Variants in CLPX observed in about 807,000 individuals in gnomAD.
CLPX encodes caseinolytic mitochondrial matrix peptidase chaperone subunit X, also known as ATP-dependent clpX-like chaperone, mitochondrial.
CLPX carries 34 observed loss-of-function variants against 76.4 expected under a neutral mutation model. The ratio of observed to expected loss-of-function variants is 0.45; its 90% confidence interval spans 0.34 to 0.59. The LOEUF (loss-of-function observed/expected upper bound fraction) is 0.59, where lower values mean the gene tolerates loss of function less well. CLPX is among the 20% of genes least tolerant of loss of function. The pLI, the probability that CLPX is intolerant of heterozygous loss-of-function variation, is 0.01. For missense variants in CLPX, 613 were observed against 757.0 expected, an observed-to-expected ratio of 0.81 and a Z score of 2.23; for synonymous variants, 248 against 270.9, an observed-to-expected ratio of 0.92 and a Z score of 0.83.
Position 65,162,270 on chromosome 15 carries a change from C to A in CLPX, c.715+334G>T, listed in dbSNP as rs114114042. Among the ~76,000 whole-genome samples the A allele has an allele frequency of 8.5e-3, 1,290 of 152,106 alleles. 20 individuals are homozygous for A. The highest frequency in any genetic ancestry group is 0.034 in the South Asian group (162 of 4,824). ...GTAAGTTTCATAAATACAAAAAAAA[C>A]CAAAAAACAGTGTGCTTTCTGGCAA... On this transcript the variant is annotated intron_variant, in intron 6 of 13. Transcript: ENST00000300107.
chr15:65,165,814 T>G (rs570540438), intron 4 of CLPX, among the ~76,000 whole-genome samples: 1 of 152,232 alleles, frequency 6.6e-6, no homozygotes, highest in Non-Finnish European at 1.5e-5. Flanking sequence ...CATTTTATTA[T>G]AGTTTTAAAC....
At chr15:65,181,570 T>G (rs1004979430) in intron 1 of CLPX, among the ~76,000 whole-genome samples, 1 of 151,346 alleles carries the variant, frequency 6.6e-6, no homozygotes, top group Non-Finnish European at 1.5e-5. Context: ...CTGGCCAACA[T>G]GGTGAAACCC....
At chr15:65,157,722 G>A (rs571223872) in intron 8 of CLPX, 24 bp downstream of exon 8, 7 of 1,601,560 alleles carry the variant, frequency 4.4e-6, no homozygotes, top group African/African-American at 1.3e-5. Flanking sequence ...CTAAATCTGG[G>A]GACAGACCAT....
At chr15:65,154,562 T>C (rs2087763699) in intron 11 of CLPX, 3 of 484,724 alleles carry the variant, frequency 6.2e-6, no homozygotes, top group African/African-American at 1.9e-5. Context: ...TTTCTTGGGC[T>C]TTAGGCTATA....
rs370130335 is a variant in CLPX, at chr15:65,157,725, C to T, written c.1057+21G>A. 6.9e-6 allele frequency: 11 copies of T among 1,604,374 alleles called. No homozygotes were observed. The African/African-American group carries it at 1.5e-4, about 22-fold the overall frequency. Reference sequence around the variant, plus strand: ...TTCCCCAATATTCTAAATCTGGGGACAGACCATGCTGAAAACATACCTTGT... The same window carrying T: ...TTCCCCAATATTCTAAATCTGGGGATAGACCATGCTGAAAACATACCTTGT... On this transcript the variant is annotated intron_variant, in intron 8 of 13. Transcript: ENST00000300107.
chr15:65,156,967 A>G, intron 8 of CLPX, 35 bp from the exon 9 acceptor site: 1 of 1,400,418 alleles, frequency 7.1e-7, no homozygotes, highest in East Asian at 2.3e-5. Context: ...TATAATACGA[A>G]AAAGATATAC....
rs1254480177 is a variant in CLPX at position 65,185,197 on chromosome 15, G to C, written c.-44C>G. Reference sequence around the variant, plus strand: ...GGGGCTTCGCCCCCTGAGGACCTCCGGGTCACAGCGGCGTGAATCCTGCCC... The same window carrying C: ...GGGGCTTCGCCCCCTGAGGACCTCCCGGTCACAGCGGCGTGAATCCTGCCC... On this transcript the variant is annotated 5_prime_UTR_variant, in exon 1 of 14. Transcript: ENST00000300107. The C allele has an allele frequency of 2.0e-6, 3 of 1,487,306 alleles. No homozygotes were observed. The highest frequency in any genetic ancestry group is 4.9e-5 in the East Asian group (2 of 40,746). 92.1% of individuals were successfully genotyped at this position (1,487,306 alleles called of 1,614,324 possible). A position where few individuals can be genotyped will look rare whatever the true frequency, so the allele number is the denominator to read the frequency against.
Position 65,157,769 on chromosome 15 carries a change from T to C in CLPX, c.1034A>G (p.Tyr345Cys), listed in dbSNP as rs201645826. Residue 345 changes from tyrosine (Y) to cysteine (C), a missense_variant, in exon 8 of 14, where the codon TAT becomes TGT. Transcript: ENST00000300107. ...ACCTTGTTGTGCTTTTTCCACATTA[T>C]AATTGGCATCTTGGAGTAGTTTTGC... ...VIAKLLQDAN[Y>C]NVEKAQQGIV... The C allele has an allele frequency of 1.2e-6, 2 of 1,613,672 alleles. No homozygotes were observed. The highest frequency in any genetic ancestry group is 1.7e-6 in the Non-Finnish European group (2 of 1,179,870).
intron 3 of CLPX, among the ~76,000 whole-genome samples, chr15:65,169,253 C>T (rs564528077): frequency 2.4e-4 from 36 of 152,056 alleles, no homozygotes; most frequent in Admixed American, 3.3e-4. Context: ...TGCGCCCGGC[C>T]GATGCCTGCC....
intron 3 of CLPX, among the ~76,000 whole-genome samples, chr15:65,168,209 C>T (rs1364156947): frequency 6.6e-6 from 1 of 150,398 alleles, no homozygotes; most frequent in Non-Finnish European, 1.5e-5. Flanking sequence ...CACGGTAAAA[C>T]CCTGTCTCTA....
chr15:65,185,231 C>T lies in CLPX; in HGVS notation c.-78G>A, dbSNP rs929921133. ...CGGCGTGAATCCTGCCCGCAAGGCG[C>T]GCTGACTCGGTTCCGAACCCTTTCG... On this transcript the variant is annotated 5_prime_UTR_variant, in exon 1 of 14. Transcript: ENST00000300107. 49 of 1,267,106 alleles carry T rather than the reference C, an allele frequency of 3.9e-5. No individual in the cohort carries two copies. The highest frequency in any genetic ancestry group is 4.4e-5 in the Non-Finnish European group (40 of 899,792). 78.5% of individuals were successfully genotyped at this position (1,267,106 alleles called of 1,614,324 possible).
In CLPX at chr15:65,153,486, C is replaced by A. The variant is rs2087749998; in HGVS notation, c.1704+61G>T. On this transcript the variant is annotated intron_variant, in intron 12 of 13. Coordinates refer to ENST00000300107, the MANE Select transcript of CLPX (RefSeq NM_006660.5). Reference sequence around the variant, plus strand: ...ATTTTCCAAAAGAAAAACAGGGAAGCTTAATATACTCAAAACTCAGACCAA... The same window carrying A: ...ATTTTCCAAAAGAAAAACAGGGAAGATTAATATACTCAAAACTCAGACCAA... 6.8e-6 allele frequency: 7 copies of A among 1,027,412 alleles called. No homozygotes were observed. In the South Asian group the frequency reaches 9.7e-5, roughly 14 times the overall value. 63.6% of individuals were successfully genotyped at this position (1,027,412 alleles called of 1,614,324 possible). A position where few individuals can be genotyped will look rare whatever the true frequency, so the allele number is the denominator to read the frequency against.
Position 65,180,088 on chromosome 15 carries a change from A to G in CLPX, c.196T>C (p.Ser66Pro), listed in dbSNP as rs757951129. The G allele has an allele frequency of 1.2e-6, 2 of 1,611,248 alleles. No individual in the cohort carries two copies. The highest frequency in any genetic ancestry group is 2.2e-5 in the South Asian group (2 of 90,428). ...CCATCTTTACTTATCCCATCTTTTGAGGCAAAGTATGCTGGTGTTTCTGTA... is the reference window on the plus strand; with the variant it reads ...CCATCTTTACTTATCCCATCTTTTGGGGCAAAGTATGCTGGTGTTTCTGTA... The part of the protein sequence containing the change: ...SFTETPAYFA[S>P]KDGISKDGSG... The change falls in exon 2 of 14, where the codon TCA becomes CCA. Residue 66 changes from serine (S) to proline (P), a missense_variant. Ser to Pro is a moderately conservative substitution (Grantham distance 74, BLOSUM62 -1). This residue lies in a region of CLPX where 163 missense variants were observed against 118.4 expected (regional missense o/e 1.38). Coordinates refer to ENST00000300107, the MANE Select transcript of CLPX (RefSeq NM_006660.5).
rs150824839 is a variant in CLPX, at chr15:65,172,993, C to T, written c.358+5941G>A. On this transcript the variant is annotated intron_variant, in intron 3 of 13. Transcript: ENST00000300107. The stretch of plus-strand genomic sequence containing the variant: ...TTGCGCCACTGCATCGTAGCCTGGG[C>T]GACAGAGCAAGACCCTGTTTCTAAA... Among the ~76,000 whole-genome samples the T allele has an allele frequency of 5.1e-3, 775 of 152,178 alleles. 5 individuals carry two copies. The highest frequency in any genetic ancestry group is 0.018 in the African/African-American group (743 of 41,522).
At chr15:65,153,758 A>C in intron 11 of CLPX, 119 bp from the exon 12 acceptor site, 1 of 569,508 alleles carries the variant, frequency 1.8e-6, no homozygotes, top group Non-Finnish European at 3.0e-6. Flanking sequence ...TTCAAGAAGC[A>C]CTTGTTTCTA....
At chr15:65,183,936 T>C (rs570292409) in intron 1 of CLPX, among the ~76,000 whole-genome samples, 2 of 152,342 alleles carry the variant, frequency 1.3e-5, no homozygotes, top group East Asian at 1.9e-4. Context: ...ATCGAATTCC[T>C]GGAATCGGGA....
In CLPX at chr15:65,155,751, C is replaced by T; in HGVS notation, c.1252G>A (p.Val418Met). The change falls in exon 10 of 14, where the codon GTG (valine) becomes ATG (methionine). Residue 418 changes from valine (V) to methionine (M), a missense_variant. Val to Met is a conservative substitution (Grantham distance 21, BLOSUM62 1). Coordinates refer to ENST00000300107, the MANE Select transcript of CLPX (RefSeq NM_006660.5). ...VQVDTTNILF[V>M]ASGAFNGLDR... ...AAACCATTGAAAGCACCAGATGCCA[C>T]AAACAGGATGTTTGTTGTATCAACT... 1.9e-6 allele frequency: 3 copies of T among 1,614,138 alleles called. No homozygotes were observed. Among genetic ancestry groups the T allele is most frequent in the Middle Eastern group, 1.7e-4 (1 of 6,060 alleles).
chr15:65,181,152 T>C (rs1482059912), intron 1 of CLPX, among the ~76,000 whole-genome samples: 2 of 151,480 alleles, frequency 1.3e-5, no homozygotes, highest in African/African-American at 2.4e-5. Context: ...TGAGCCAAGA[T>C]CATGCCACTG....
Position 65,148,499 on chromosome 15 carries a change from CA to C in CLPX, c.*2323del, listed in dbSNP as rs1408392373. ...AAGACTTCCTGGGAAGAACTTGAACCATTACTAGGGAGACCAAGGAGAGGTG... is the reference window on the plus strand; with the variant it reads ...AAGACTTCCTGGGAAGAACTTGAACCTTACTAGGGAGACCAAGGAGAGGTG... On this transcript the variant is annotated 3_prime_UTR_variant, in exon 14 of 14. Transcript: ENST00000300107. 1 of 152,030 alleles carries C rather than the reference CA, an allele frequency of 6.6e-6. No homozygotes were observed. The highest frequency in any genetic ancestry group is 1.5e-5 in the Non-Finnish European group (1 of 68,004). The allele number at this position is 152,030 out of a possible 1,614,324, so 9.4% of individuals were successfully genotyped here. A position where few individuals can be genotyped will look rare whatever the true frequency, so the allele number is the denominator to read the frequency against.
Sources: allele counts gnomAD v4.1 joint callset (sites outside exome capture counted in the v4.1 genomes callset), GRCh38; gene constraint gnomAD v4.1.1; regional missense constraint gnomAD v4.1.1; transcripts MANE v1.5; gene names NCBI Gene and HGNC (gene_info 2026-07-23, HGNC 2026-07-21).